The following TRPC5 variants were observed in gnomAD, a reference collection of about 807,000 sequenced individuals.
TRPC5 encodes transient receptor potential cation channel subfamily C member 5.
In TRPC5, 9 loss-of-function variants were observed where a neutral mutation model predicts 56.5. That is an observed-to-expected ratio of 0.16 (90% CI 0.10 to 0.28). The LOEUF is 0.28. Among genes scored for constraint, TRPC5 ranks in the 10% least tolerant of loss-of-function variants. The probability of loss-of-function intolerance (pLI) is 1.00; values close to 1 mark genes in which losing one functional copy is unlikely to be tolerated. For synonymous variants in TRPC5, 282 were observed against 278.5 expected, an observed-to-expected ratio of 1.01 and a Z score of -0.13; for missense variants, 469 against 748.9, an observed-to-expected ratio of 0.63 and a Z score of 4.36.
rs753243170 is a variant in TRPC5 at position 111,794,540 on chromosome X, T to G, written c.1897-12402A>C. 9.8e-5 allele frequency among the ~76,000 whole-genome samples: 11 copies of G among 112,250 alleles called. No individual in the cohort carries two copies. In the South Asian group the frequency reaches 3.7e-3, roughly 38 times the overall value. On this transcript the variant is annotated intron_variant, in intron 7 of 10. Transcript: ENST00000262839. ...TTTGTTAAGCTTATAACTAAGTATT[T>G]CATTTTCTTTGCAGTGATTGTCAAT...
At chrX:111,895,976 G>A (rs1925041458) in intron 3 of TRPC5, 1 of 111,052 alleles carries the variant, frequency 9.0e-6, no homozygotes, top group Admixed American at 9.6e-5. Flanking sequence ...GGAGACCGGT[G>A]GCCTGTTTGG....
In TRPC5 at chrX:112,048,205, C is replaced by A. The variant is rs189751614; in HGVS notation, c.-22+33674G>T. On this transcript the variant is annotated intron_variant, in intron 1 of 10. Transcript: ENST00000262839. The stretch of plus-strand genomic sequence containing the variant: ...TATACTTTTGGTAGAAAAATATCTA[C>A]TGACATGGCATCATGCCAAGAAATA... Among the ~76,000 whole-genome samples, 381 of 111,527 alleles carry A rather than the reference C, an allele frequency of 3.4e-3. 1 individual carries two copies. The highest frequency in any genetic ancestry group is 0.012 in the African/African-American group (367 of 30,633).
intron 3 of TRPC5, among the ~76,000 whole-genome samples, chrX:111,881,031 T>C (rs1924187551): frequency 8.9e-6 from 1 of 112,071 alleles, no homozygotes. Flanking sequence ...ATTGGTGATC[T>C]CTCTTCTAAA....
intron 7 of TRPC5, among the ~76,000 whole-genome samples, chrX:111,827,106 G>T (rs1342014148): frequency 9.0e-6 from 1 of 111,372 alleles, no homozygotes; most frequent in Non-Finnish European, 1.9e-5. Flanking sequence ...TGACTTATTA[G>T]CATATTGGGA....
intron 1 of TRPC5, among the ~76,000 whole-genome samples, chrX:112,022,119 T>C (rs1003047682): frequency 1.8e-5 from 2 of 112,155 alleles, no homozygotes; most frequent in African/African-American, 6.5e-5. Flanking sequence ...AGGTATACAT[T>C]CTGGAGTATA....
intron 7 of TRPC5, among the ~76,000 whole-genome samples, chrX:111,812,573 T>G (rs1358111438): frequency 1.8e-5 from 2 of 111,899 alleles, no homozygotes; most frequent in Non-Finnish European, 3.8e-5. Flanking sequence ...AACTCCCACA[T>G]TGCAAGTGTT....
At chrX:111,804,846 T>C (rs1460409390) in intron 7 of TRPC5, among the ~76,000 whole-genome samples, 2 of 111,940 alleles carry the variant, frequency 1.8e-5, no homozygotes, top group African/African-American at 6.5e-5. Flanking sequence ...TTTATTTCTT[T>C]CTCTTGCCTG....
At chrX:112,039,935 A>C (rs548021263) in intron 1 of TRPC5, among the ~76,000 whole-genome samples, 1 of 111,770 alleles carries the variant, frequency 8.9e-6, no homozygotes, top group South Asian at 3.7e-4. Context: ...TGACTACTGA[A>C]TATCTTGGAG....
chrX:111,851,517 G>GTC (rs1229561664), intron 5 of TRPC5, among the ~76,000 whole-genome samples: 2 of 108,846 alleles, frequency 1.8e-5, no homozygotes, highest in Non-Finnish European at 3.8e-5. Flanking sequence ...GGTGGTGTGT[G>GTC]TGTGTGTGTG....
chrX:111,998,825 G>A (rs1466886081), intron 1 of TRPC5, among the ~76,000 whole-genome samples: 4 of 112,135 alleles, frequency 3.6e-5, no homozygotes, highest in Non-Finnish European at 7.5e-5. Context: ...ATGAACGTAT[G>A]TTCAGTCTGA....
chrX:111,818,348 A>G (rs1396096983), intron 7 of TRPC5, among the ~76,000 whole-genome samples: 2 of 111,226 alleles, frequency 1.8e-5, no homozygotes, highest in Non-Finnish European at 3.8e-5. Flanking sequence ...TCTCATACCA[A>G]TCATTGCAAA....
intron 2 of TRPC5, among the ~76,000 whole-genome samples, chrX:111,923,836 C>T (rs116114583): frequency 0.011 from 1,252 of 111,757 alleles, 16 homozygotes; most frequent in African/African-American, 0.038. Flanking sequence ...AAGGTCTAAT[C>T]AACGCGTCCC....
intron 1 of TRPC5, among the ~76,000 whole-genome samples, chrX:112,021,215 A>T (rs974943415): frequency 2.7e-5 from 3 of 110,953 alleles, no homozygotes; most frequent in African/African-American, 9.9e-5. Context: ...CCCCATCCTT[A>T]CATATAATTG....
At chrX:112,027,749 G>T (rs1009627056) in intron 1 of TRPC5, among the ~76,000 whole-genome samples, 2 of 111,389 alleles carry the variant, frequency 1.8e-5, no homozygotes, top group Middle Eastern at 4.6e-3. Context: ...ACCCACCTTG[G>T]CCTCCCAAAG....
chrX:112,067,831 C>T (rs771726248), intron 1 of TRPC5, among the ~76,000 whole-genome samples: 1 of 112,285 alleles, frequency 8.9e-6, no homozygotes, highest in Non-Finnish European at 1.9e-5. Flanking sequence ...TGCATCTCTC[C>T]TGGCCATTTA....
intron 1 of TRPC5, among the ~76,000 whole-genome samples, chrX:112,006,701 G>A (rs748634234): frequency 8.9e-6 from 1 of 111,884 alleles, no homozygotes; most frequent in Non-Finnish European, 1.9e-5. Flanking sequence ...GGTAACAGAG[G>A]GCCTTGAAGA....
At chrX:112,061,671 T>C (rs1037905370) in intron 1 of TRPC5, among the ~76,000 whole-genome samples, 5 of 111,614 alleles carry the variant, frequency 4.5e-5, no homozygotes, top group African/African-American at 1.6e-4. Flanking sequence ...AATACACTTG[T>C]TTACACACAC....
intron 7 of TRPC5, among the ~76,000 whole-genome samples, chrX:111,828,846 T>C (rs1922317364): frequency 8.9e-6 from 1 of 112,074 alleles, no homozygotes; most frequent in Admixed American, 9.5e-5. Context: ...AGGAACTTAC[T>C]GGGAACTGGA....
intron 1 of TRPC5, among the ~76,000 whole-genome samples, chrX:112,067,431 A>G (rs964350689): frequency 8.9e-6 from 1 of 112,198 alleles, no homozygotes; most frequent in Non-Finnish European, 1.9e-5. Flanking sequence ...CGAGACAACT[A>G]TTTTGCCATA....
Sources: gnomAD v4.1 joint callset for allele counts (sites outside exome capture counted in the v4.1 genomes callset) on GRCh38, gnomAD v4.1.1 for gene constraint, MANE v1.5 for transcripts, NCBI Gene and HGNC (gene_info 2026-07-23, HGNC 2026-07-21) for gene names.